SLMAP: variants seen among roughly 807,000 people sequenced by gnomAD.
The protein encoded by SLMAP is sarcolemmal membrane-associated protein.
In SLMAP, 44 loss-of-function variants were observed where a neutral mutation model predicts 128.8. The ratio of observed to expected loss-of-function variants is 0.34; its 90% CI spans 0.27 to 0.44. The LOEUF is 0.44. Ranked by LOEUF, SLMAP falls within the 20% of genes least tolerant of loss-of-function variation. The pLI is 1.00. For synonymous variants in SLMAP, 327 were observed against 348.8 expected, an observed-to-expected ratio of 0.94 and a Z score of 0.70; for missense variants, 787 against 985.3, an observed-to-expected ratio of 0.80 and a Z score of 2.69.
chr3:57,916,109 TC>T (rs1278546146), intron 21 of SLMAP, among the ~76,000 whole-genome samples: 1 of 149,590 alleles, frequency 6.7e-6, no homozygotes, highest in East Asian at 2.0e-4. Flanking sequence ...TGAGCCGAGA[TC>T]ACACCATTGC....
At chr3:57,815,570 T>C (rs2091745710) in intron 2 of SLMAP, among the ~76,000 whole-genome samples, 1 of 152,144 alleles carries the variant, frequency 6.6e-6, no homozygotes, top group African/African-American at 2.4e-5. Context: ...AACCATAAAA[T>C]ATTATATATG....
intron 2 of SLMAP, among the ~76,000 whole-genome samples, chr3:57,803,365 C>CTACA (rs1350574342): frequency 4.6e-5 from 7 of 152,260 alleles, no homozygotes; most frequent in African/African-American, 1.7e-4. Flanking sequence ...TTACTAGTAA[C>CTACA]TACAGCAATA....
rs1576258085 is a variant in SLMAP, at chr3:57,773,260, A to C, written c.198+15411A>C. Among the ~76,000 whole-genome samples, 5 of 152,222 alleles carry C rather than the reference A, an allele frequency of 3.3e-5. No homozygotes were observed. In the South Asian group the frequency reaches 1.0e-3, roughly 32 times the overall value. ...TAAATGACAGAGTTGAACCTCAGTTAGACTGCATTTCAGGTAAGCGGTGGA... is the reference window on the plus strand; with the variant it reads ...TAAATGACAGAGTTGAACCTCAGTTCGACTGCATTTCAGGTAAGCGGTGGA... On this transcript the variant is annotated intron_variant, in intron 2 of 24. Coordinates refer to ENST00000671191, the MANE Select transcript of SLMAP (RefSeq NM_001377540.1).
intron 2 of SLMAP, among the ~76,000 whole-genome samples, chr3:57,805,779 CT>C (rs1190831833): frequency 1.9e-4 from 29 of 152,160 alleles, no homozygotes; most frequent in Admixed American, 1.9e-3. Context: ...GCCTCATCTC[CT>C]GTCATTCTCA....
chr3:57,847,095 G>A (rs1025765904), intron 4 of SLMAP, 102 bp from the exon 5 acceptor site: 33 of 701,624 alleles, frequency 4.7e-5, no homozygotes, highest in Non-Finnish European at 7.7e-5. Context: ...TTACATGAAG[G>A]CAAATGTATA....
At chr3:57,851,845 A>G (rs938055203) in intron 6 of SLMAP, among the ~76,000 whole-genome samples, 10 of 152,042 alleles carry the variant, frequency 6.6e-5, no homozygotes, top group Admixed American at 5.9e-4. Flanking sequence ...TGAGTGAGTC[A>G]TTTTATGTGG....
At chr3:57,921,012 G>A (rs937334997) in intron 22 of SLMAP, among the ~76,000 whole-genome samples, 4 of 150,680 alleles carry the variant, frequency 2.7e-5, no homozygotes, top group Non-Finnish European at 3.0e-5. Flanking sequence ...GTGAGACTCA[G>A]TCTAAAAAAA....
intron 3 of SLMAP, among the ~76,000 whole-genome samples, chr3:57,835,553 T>A (rs543884037): frequency 5.3e-5 from 8 of 152,146 alleles, no homozygotes; most frequent in Admixed American, 5.2e-4. Context: ...TCTATCAACA[T>A]AATCCACAGA....
chr3:57,825,319 C>T lies in SLMAP; in HGVS notation c.199-6064C>T, dbSNP rs563806616. Among the ~76,000 whole-genome samples the T allele has an allele frequency of 7.6e-4, 115 of 151,760 alleles. 1 individual carries two copies. Among genetic ancestry groups the T allele is most frequent in the African/African-American group, 2.3e-3 (95 of 41,396 alleles). ...GGCATCCTTGTCTTGTTCTTGATCT[C>T]AATGGGGAATGCTTTCAGTCTTTTA... On this transcript the variant is annotated intron_variant, in intron 2 of 24. Coordinates refer to ENST00000671191, the MANE Select transcript of SLMAP (RefSeq NM_001377540.1).
At chr3:57,855,135 T>C (rs924015053) in intron 6 of SLMAP, among the ~76,000 whole-genome samples, 3 of 152,170 alleles carry the variant, frequency 2.0e-5, no homozygotes, top group African/African-American at 7.2e-5. Flanking sequence ...CCCAGCACTT[T>C]GGGTGACCGA....
At chr3:57,829,486 C>A (rs2093183778) in intron 2 of SLMAP, among the ~76,000 whole-genome samples, 2 of 151,000 alleles carry the variant, frequency 1.3e-5, no homozygotes, top group South Asian at 2.1e-4. Flanking sequence ...AAAAAAAACT[C>A]TCTTATACAA....
rs1457966630 is a variant in SLMAP at position 57,909,160 on chromosome 3, A to G, written c.1699+10A>G. The G allele has an allele frequency of 6.4e-7, 1 of 1,573,188 alleles. No homozygotes were observed. Among genetic ancestry groups the G allele is most frequent in the Non-Finnish European group, 8.7e-7 (1 of 1,151,834 alleles). Reference sequence around the variant, plus strand: ...ATACAGGTTCTTCAAGGTATGGAAGACCCCAAGGCTCTTTGAGATTGTTAT... The same window carrying G: ...ATACAGGTTCTTCAAGGTATGGAAGGCCCCAAGGCTCTTTGAGATTGTTAT... On this transcript the variant is annotated intron_variant, in intron 19 of 24. Coordinates refer to ENST00000671191, the MANE Select transcript of SLMAP (RefSeq NM_001377540.1).
chr3:57,761,939 C>T (rs1175526613), intron 2 of SLMAP, among the ~76,000 whole-genome samples: 5 of 148,102 alleles, frequency 3.4e-5, no homozygotes, highest in African/African-American at 5.0e-5. Flanking sequence ...CCCAGCTACT[C>T]GGGAGGCTGA....
chr3:57,895,370 C>G (rs566253259), intron 15 of SLMAP, among the ~76,000 whole-genome samples: 1 of 151,940 alleles, frequency 6.6e-6, no homozygotes, highest in Non-Finnish European at 1.5e-5. Flanking sequence ...GAGTCTTGCT[C>G]TGTCACCCAG....
chr3:57,890,226 G>A, intron 15 of SLMAP, 126 bp downstream of exon 15: 1 of 752,838 alleles, frequency 1.3e-6, no homozygotes, highest in South Asian at 1.9e-5. Context: ...TAGCAAGCCA[G>A]TAACAGTATC....
At chr3:57,775,722 G>A (rs1179828680) in intron 2 of SLMAP, among the ~76,000 whole-genome samples, 1 of 151,768 alleles carries the variant, frequency 6.6e-6, no homozygotes, top group Non-Finnish European at 1.5e-5. Flanking sequence ...TTGTTGAGAC[G>A]GAGTGTCGCT....
intron 2 of SLMAP, among the ~76,000 whole-genome samples, chr3:57,775,509 CA>C (rs1009755128): frequency 0.019 from 396 of 21,182 alleles, 2 homozygotes; most frequent in South Asian, 0.027. Flanking sequence ...CCTGTTGGTA[CA>C]AAAAAAAAAA....
chr3:57,832,596 C>T (rs1472903834), intron 3 of SLMAP, among the ~76,000 whole-genome samples: 1 of 152,122 alleles, frequency 6.6e-6, no homozygotes, highest in Non-Finnish European at 1.5e-5. Flanking sequence ...TGGCAAGTTT[C>T]TCCTTTCATT....
chr3:57,794,801 A>G (rs926764706), intron 2 of SLMAP, among the ~76,000 whole-genome samples: 1 of 152,194 alleles, frequency 6.6e-6, no homozygotes, highest in African/African-American at 2.4e-5. Context: ...GATAGCTACC[A>G]CATTTTATTT....
Sources: gnomAD v4.1 joint callset for allele counts (sites outside exome capture counted in the v4.1 genomes callset) on GRCh38, gnomAD v4.1.1 for gene constraint, MANE v1.5 for transcripts, NCBI Gene and HGNC (gene_info 2026-07-23, HGNC 2026-07-21) for gene names.